The following ARHGAP15 variants were observed in gnomAD, a reference collection of about 807,000 sequenced individuals.
ARHGAP15 encodes Rho GTPase activating protein 15, also known as rho GTPase-activating protein 15.
Under a neutral mutation model 63.7 loss-of-function variants are expected in ARHGAP15, and 51 were observed. The observed-to-expected ratio is 0.80, with a 90% CI of 0.64 to 1.01. ARHGAP15 has a LOEUF of 1.01. ARHGAP15 is among the 50% of genes least tolerant of loss of function. ARHGAP15 has a pLI of 0.00. For synonymous variants in ARHGAP15, 191 were observed against 193.8 expected (o/e 0.99, Z 0.12); for missense variants, 560 against 564.6 (o/e 0.99, Z 0.08).
At chr2:143,131,919 A>T (rs1411139737) in intron 1 of ARHGAP15, among the ~76,000 whole-genome samples, 3 of 152,136 alleles carry the variant, frequency 2.0e-5, no homozygotes, top group African/African-American at 7.2e-5. Context: ...GAAGTGTCTC[A>T]TATGAAGGAT....
At chr2:143,222,823 G>A (rs749035136) in intron 4 of ARHGAP15, among the ~76,000 whole-genome samples, 12 of 152,126 alleles carry the variant, frequency 7.9e-5, no homozygotes, top group Non-Finnish European at 1.5e-4. Flanking sequence ...GTTTCACTTG[G>A]ATAAAATGTC....
At chr2:143,391,659 C>T (rs1425660980) in intron 6 of ARHGAP15, among the ~76,000 whole-genome samples, 1 of 152,176 alleles carries the variant, frequency 6.6e-6, no homozygotes, top group African/African-American at 2.4e-5. Flanking sequence ...CTGCTCTTGA[C>T]TCTGTGGCTG....
intron 3 of ARHGAP15, among the ~76,000 whole-genome samples, chr2:143,211,620 G>T (rs1473830079): frequency 6.6e-6 from 1 of 152,144 alleles, no homozygotes; most frequent in East Asian, 1.9e-4. Flanking sequence ...TTCTTTTAGA[G>T]AGAGGTCAGT....
At chr2:143,578,717 A>C (rs989067140) in intron 11 of ARHGAP15, among the ~76,000 whole-genome samples, 5 of 152,314 alleles carry the variant, frequency 3.3e-5, no homozygotes, top group Admixed American at 2.0e-4. Flanking sequence ...ATATGCAAAT[A>C]ATTGCAAACT....
At chr2:143,734,963 CCT>C (rs898481596) in intron 13 of ARHGAP15, among the ~76,000 whole-genome samples, 1 of 152,122 alleles carries the variant, frequency 6.6e-6, no homozygotes, top group Non-Finnish European at 1.5e-5. Flanking sequence ...AATGTCGTGT[CCT>C]CTCTCTTAAT....
chr2:143,210,301 T>C (rs1372962100), intron 3 of ARHGAP15, among the ~76,000 whole-genome samples: 2 of 151,346 alleles, frequency 1.3e-5, no homozygotes, highest in East Asian at 3.9e-4. Flanking sequence ...TTCCTCAGCC[T>C]GTTTCCCAAA....
chr2:143,454,390 A>C (rs1477974174), intron 8 of ARHGAP15, among the ~76,000 whole-genome samples: 1 of 152,104 alleles, frequency 6.6e-6, no homozygotes, highest in Non-Finnish European at 1.5e-5. Flanking sequence ...AACACCAAGC[A>C]ATGTGTTTTA....
intron 8 of ARHGAP15, among the ~76,000 whole-genome samples, chr2:143,486,802 G>T (rs888308940): frequency 5.3e-5 from 8 of 152,260 alleles, no homozygotes; most frequent in Middle Eastern, 3.4e-3. Context: ...CATGGAAAAA[G>T]TTTGAGGCAA....
chr2:143,662,527 C>T lies in ARHGAP15; in HGVS notation c.1138+38260C>T, dbSNP rs185793548. Among the ~76,000 whole-genome samples, 630 of 141,248 alleles carry T rather than the reference C, an allele frequency of 4.5e-3. 5 individuals carry two copies. The highest frequency in any genetic ancestry group is 0.015 in the African/African-American group (591 of 40,158). 92.7% of individuals were successfully genotyped at this position (141,248 alleles called of 152,430 possible). A position where few individuals can be genotyped will look rare whatever the true frequency, so the allele number is the denominator to read the frequency against. ...GAGTGCCTCTCCTCCTCCAAAGGAACGCAGTTCCTCACCAGCAACGGAACA... is the reference window on the plus strand; with the variant it reads ...GAGTGCCTCTCCTCCTCCAAAGGAATGCAGTTCCTCACCAGCAACGGAACA... On this transcript the variant is annotated intron_variant, in intron 12 of 13. Coordinates refer to ENST00000295095, the MANE Select transcript of ARHGAP15 (RefSeq NM_018460.4).
intron 12 of ARHGAP15, among the ~76,000 whole-genome samples, chr2:143,667,568 A>T (rs966031666): frequency 2.3e-5 from 3 of 131,952 alleles, no homozygotes; most frequent in African/African-American, 8.5e-5. Flanking sequence ...CTTAAAGTAT[A>T]ATTTAAAAAA....
intron 9 of ARHGAP15, among the ~76,000 whole-genome samples, chr2:143,500,254 TA>T (rs201595149): frequency 1.7e-3 from 259 of 149,662 alleles, no homozygotes; most frequent in African/African-American, 5.8e-3. Flanking sequence ...TTTTTATATA[TA>T]CTTTTTTAAT....
chr2:143,700,766 A>G (rs1684052611), intron 12 of ARHGAP15, among the ~76,000 whole-genome samples: 1 of 152,208 alleles, frequency 6.6e-6, no homozygotes, highest in Non-Finnish European at 1.5e-5. Context: ...ACGGTTGGAT[A>G]GAAAGCATTC....
intron 13 of ARHGAP15, among the ~76,000 whole-genome samples, chr2:143,727,465 GA>G (rs1685333685): frequency 1.3e-5 from 2 of 152,152 alleles, no homozygotes; most frequent in African/African-American, 4.8e-5. Context: ...TTTTGTTTAA[GA>G]AAGATATTAA....
At chr2:143,155,819 C>T (rs960569500) in intron 2 of ARHGAP15, among the ~76,000 whole-genome samples, 164 bp downstream of exon 2, 1 of 151,598 alleles carries the variant, frequency 6.6e-6, no homozygotes, top group East Asian at 1.9e-4. Context: ...TGATAATATC[C>T]CCAGTTGCAA....
chr2:143,400,518 T>C (rs1043524957), intron 6 of ARHGAP15, among the ~76,000 whole-genome samples: 5 of 151,972 alleles, frequency 3.3e-5, no homozygotes, highest in African/African-American at 9.7e-5. Flanking sequence ...AATTATGAGC[T>C]ATCACATAAA....
At chr2:143,731,943 GGTCA>G (rs1424122120) in intron 13 of ARHGAP15, among the ~76,000 whole-genome samples, 2 of 152,056 alleles carry the variant, frequency 1.3e-5, no homozygotes, top group Non-Finnish European at 2.9e-5. Flanking sequence ...AAAGTGATGG[GGTCA>G]GTATTTAAAA....
chr2:143,660,970 C>T (rs1165082041), intron 12 of ARHGAP15, among the ~76,000 whole-genome samples: 1 of 152,182 alleles, frequency 6.6e-6, no homozygotes, highest in East Asian at 1.9e-4. Flanking sequence ...GTTCTTAGAA[C>T]TGTGTTTCTG....
At chr2:143,548,984 C>T (rs1296566341) in intron 10 of ARHGAP15, among the ~76,000 whole-genome samples, 1 of 152,014 alleles carries the variant, frequency 6.6e-6, no homozygotes, top group Non-Finnish European at 1.5e-5. Flanking sequence ...TCTATAAACA[C>T]AGAAAAGGAC....
chr2:143,301,978 A>G (rs1232860781), intron 6 of ARHGAP15, among the ~76,000 whole-genome samples: 1 of 151,920 alleles, frequency 6.6e-6, no homozygotes, highest in Non-Finnish European at 1.5e-5. Context: ...AGCAACAACC[A>G]AGGTAATTTT....
Sources: gnomAD v4.1 joint callset for allele counts (sites outside exome capture counted in the v4.1 genomes callset) on GRCh38, gnomAD v4.1.1 for gene constraint, MANE v1.5 for transcripts, NCBI Gene and HGNC (gene_info 2026-07-23, HGNC 2026-07-21) for gene names.